The following NDUFA10 variants were observed in gnomAD, a reference collection of about 807,000 sequenced individuals.
The protein encoded by NDUFA10 is NADH:ubiquinone oxidoreductase subunit A10.
NDUFA10 carries 40 observed loss-of-function variants against 47.8 expected under a neutral mutation model. The observed-to-expected ratio is 0.84, with a 90% CI of 0.65 to 1.09. NDUFA10 has a LOEUF of 1.09. Ranked by LOEUF, NDUFA10 falls within the 50% of genes least tolerant of loss-of-function variation. The probability of loss-of-function intolerance (pLI) is 0.00; values close to 1 mark genes in which losing one functional copy is unlikely to be tolerated. For synonymous variants in NDUFA10, 183 were observed against 172.2 expected (o/e 1.06, Z -0.49); for missense variants, 413 against 451.1 (o/e 0.92, Z 0.76).
chr2:239,901,023 T>G (rs562125690), intron 4 of NDUFA10, among the ~76,000 whole-genome samples: 34 of 152,202 alleles, frequency 2.2e-4, no homozygotes, highest in Non-Finnish European at 4.4e-4. Flanking sequence ...CAGCTTTCTG[T>G]TGGAAAAAGA....
intron 4 of NDUFA10, among the ~76,000 whole-genome samples, chr2:240,015,552 C>T (rs1217378940): frequency 2.0e-5 from 3 of 152,216 alleles, no homozygotes; most frequent in Admixed American, 1.3e-4. Context: ...GATTTAGTGA[C>T]AACATGAAAT....
chr2:239,948,808 TCAC>T (rs1191661456), intron 4 of NDUFA10, among the ~76,000 whole-genome samples: 7 of 152,338 alleles, frequency 4.6e-5, no homozygotes, highest in African/African-American at 1.7e-4. Flanking sequence ...CTTGGGGACT[TCAC>T]CAAGCCTCGA....
chr2:239,901,746 C>T (rs535358296), intron 4 of NDUFA10, among the ~76,000 whole-genome samples: 1 of 151,492 alleles, frequency 6.6e-6, no homozygotes, highest in East Asian at 1.9e-4. Context: ...ATTCTAGATG[C>T]CAGTAAGAAC....
chr2:239,942,839 T>C (rs1046422912), intron 4 of NDUFA10, among the ~76,000 whole-genome samples: 18 of 151,966 alleles, frequency 1.2e-4, no homozygotes, highest in African/African-American at 3.9e-4. Context: ...GTTTTAACTC[T>C]TTCCACAAAA....
At chr2:239,983,555 T>C in intron 9 of NDUFA10, 1 of 1,601,772 alleles carries the variant, frequency 6.2e-7, no homozygotes, top group Non-Finnish European at 8.5e-7. Flanking sequence ...TGCATGGGGC[T>C]TTCTGGAAAG....
chr2:239,964,040 C>T (rs867585202), intron 9 of NDUFA10, among the ~76,000 whole-genome samples: 5 of 152,198 alleles, frequency 3.3e-5, no homozygotes, highest in Non-Finnish European at 5.9e-5. Flanking sequence ...ACCTTTCACA[C>T]GCCAGGTAAT....
At chr2:239,948,264 T>C (rs1253007740) in intron 4 of NDUFA10, among the ~76,000 whole-genome samples, 4 of 152,214 alleles carry the variant, frequency 2.6e-5, no homozygotes, top group African/African-American at 7.2e-5. Flanking sequence ...AGCCAGGCTG[T>C]GCTCCGGACA....
At chr2:239,995,468 G>T (rs1001973208) in intron 8 of NDUFA10, among the ~76,000 whole-genome samples, 1 of 152,114 alleles carries the variant, frequency 6.6e-6, no homozygotes, top group African/African-American at 2.4e-5. Flanking sequence ...GTACAATCAA[G>T]ATGTTAAGGG....
chr2:239,996,760 G>A (rs1324815078), intron 8 of NDUFA10, among the ~76,000 whole-genome samples: 1 of 151,136 alleles, frequency 6.6e-6, no homozygotes, highest in African/African-American at 2.4e-5. Context: ...TTTGAATGCA[G>A]CCCAACATAA....
chr2:239,895,320 G>A (rs1319652561), intron 4 of NDUFA10: 2 of 465,168 alleles, frequency 4.3e-6, no homozygotes, highest in Admixed American at 2.4e-5. Context: ...GGGACCTAGA[G>A]ACGAAGAGGA....
chr2:239,946,747 T>G (rs1694460079), intron 4 of NDUFA10, among the ~76,000 whole-genome samples: 1 of 152,214 alleles, frequency 6.6e-6, no homozygotes, highest in Non-Finnish European at 1.5e-5. Flanking sequence ...GTGTGCTAAA[T>G]GCACTCACTC....
chr2:239,966,195 C>T (rs563044082), intron 9 of NDUFA10, among the ~76,000 whole-genome samples: 2 of 152,294 alleles, frequency 1.3e-5, no homozygotes, highest in South Asian at 4.1e-4. Context: ...CTGGGAGGCA[C>T]CCTGCCCAGT....
intron 4 of NDUFA10, among the ~76,000 whole-genome samples, chr2:239,952,056 C>A (rs910933749): frequency 6.6e-6 from 1 of 152,020 alleles, no homozygotes; most frequent in African/African-American, 2.4e-5. Context: ...AGTCCCACAC[C>A]CACTAGAGGT....
Position 239,959,923 on chromosome 2 carries a change from G to T in NDUFA10, c.*1195C>A, listed in dbSNP as rs750959347. The T allele has an allele frequency of 1.0e-6, 1 of 985,400 alleles. No homozygotes were observed. Among genetic ancestry groups the T allele is most frequent in the South Asian group, 4.7e-5 (1 of 21,296 alleles). 61.0% of individuals were successfully genotyped at this position (985,400 alleles called of 1,614,324 possible). ...TTCTTCGCATGCTCCGCAGCAGCGA[G>T]GCCTGGTAGAGCTTCCGCGGGGAGC... is the stretch of plus-strand genomic sequence containing the variant. On this transcript the variant is annotated 3_prime_UTR_variant, in exon 10 of 10. Coordinates refer to ENST00000252711, the MANE Select transcript of NDUFA10 (RefSeq NM_004544.4).
chr2:239,962,102 G>A (rs1256693382), intron 9 of NDUFA10, among the ~76,000 whole-genome samples: 1 of 152,192 alleles, frequency 6.6e-6, no homozygotes, highest in Admixed American at 6.5e-5. Flanking sequence ...TCGTTGCGGA[G>A]CCAGGAGAAA....
intron 4 of NDUFA10, among the ~76,000 whole-genome samples, chr2:239,924,579 CA>C (rs796534738): frequency 1.3e-5 from 2 of 151,040 alleles, no homozygotes; most frequent in Non-Finnish European, 3.0e-5. Flanking sequence ...GAACATTTAC[CA>C]AAAAAAAGAA....
At chr2:239,993,029 T>C (rs1317541826) in intron 8 of NDUFA10, among the ~76,000 whole-genome samples, 1 of 152,110 alleles carries the variant, frequency 6.6e-6, no homozygotes, top group African/African-American at 2.4e-5. Context: ...GAAACATCTT[T>C]GGGGAGGAAG....
At position 239,960,884 on chromosome 2, in the gene NDUFA10, G is replaced by A. The variant is rs1047675074; in HGVS notation, c.*234C>T. The A allele has an allele frequency of 4.2e-6, 6 of 1,423,234 alleles. No individual in the cohort carries two copies. Among genetic ancestry groups the A allele is most frequent in the Non-Finnish European group, 5.5e-6 (6 of 1,083,716 alleles). 88.2% of individuals were successfully genotyped at this position (1,423,234 alleles called of 1,614,324 possible). ...ACCACTGTTTTCCAGTGAGAATGGT[G>A]GGCCATTCCAAAACAAAGCTAAAGG... On this transcript the variant is annotated 3_prime_UTR_variant, in exon 10 of 10. Coordinates refer to ENST00000252711, the MANE Select transcript of NDUFA10 (RefSeq NM_004544.4).
In NDUFA10 at chr2:240,014,789, T is replaced by G. The variant is rs201795137; in HGVS notation, c.619A>C (p.Ile207Leu). The change falls in exon 5 of 10, where the codon ATC becomes CTC. Residue 207 changes from isoleucine (I) to leucine (L), a missense_variant. Physicochemically the swap from Ile to Leu is conservative, Grantham distance 5. Transcript: ENST00000252711. Reference protein sequence around the residue: ...DYLPPHLVIYIDVPVPEVQRR... With the variant: ...DYLPPHLVIYLDVPVPEVQRR... ...TGGACCTCTGGAACGGGCACATCGATGTAAATCACCAGGTGGGGGGGCAGG... is the reference window on the plus strand; with the variant it reads ...TGGACCTCTGGAACGGGCACATCGAGGTAAATCACCAGGTGGGGGGGCAGG... 6.2e-7 allele frequency: 1 copy of G among 1,614,104 alleles called. No individual in the cohort carries two copies. Among genetic ancestry groups the G allele is most frequent in the Non-Finnish European group, 8.5e-7 (1 of 1,180,050 alleles).
Sources: gnomAD v4.1 joint callset for allele counts (sites outside exome capture counted in the v4.1 genomes callset) on GRCh38, gnomAD v4.1.1 for gene constraint, MANE v1.5 for transcripts, NCBI Gene and HGNC (gene_info 2026-07-23, HGNC 2026-07-21) for gene names.